Variants in IQGAP1 observed in about 807,000 individuals in gnomAD.
IQGAP1 encodes the protein ras GTPase-activating-like protein IQGAP1.
IQGAP1 carries 66 observed loss-of-function variants against 215.6 expected under a neutral mutation model. The ratio of observed to expected loss-of-function variants is 0.31; its 90% CI spans 0.25 to 0.38. The LOEUF (loss-of-function observed/expected upper bound fraction) is 0.38. IQGAP1 is among the 10% of genes least tolerant of loss of function. The pLI is 1.00. For missense variants in IQGAP1, 1,712 were observed against 1,997.1 expected, an observed-to-expected ratio of 0.86 and a Z score of 2.72; for synonymous variants, 772 against 728.7, an observed-to-expected ratio of 1.06 and a Z score of -0.96.
chr15:90,392,748 C>CTTTTTTTTTTTTTTTTTTTTTTT (rs10701656), intron 2 of IQGAP1, among the ~76,000 whole-genome samples: 2 of 117,826 alleles, frequency 1.7e-5, no homozygotes, highest in African/African-American at 6.9e-5. Flanking sequence ...ATGTTTCTAT[C>CTTTTTTTTTTTTTTTTTTTTTTT]TTTTTTTTTT....
intron 5 of IQGAP1, among the ~76,000 whole-genome samples, chr15:90,435,267 A>G (rs1169617129): frequency 6.6e-6 from 1 of 152,176 alleles, no homozygotes; most frequent in Non-Finnish European, 1.5e-5. Context: ...GCTTGAAGCC[A>G]GGAGTTAGAG....
intron 31 of IQGAP1, chr15:90,486,474 C>T: frequency 4.8e-6 from 1 of 209,422 alleles, no homozygotes; most frequent in South Asian, 7.9e-5. Context: ...CAGGGTCTCC[C>T]TCTGTTGCCC....
chr15:90,492,136 C>T (rs1408865382), intron 34 of IQGAP1, among the ~76,000 whole-genome samples: 1 of 152,148 alleles, frequency 6.6e-6, no homozygotes, highest in Non-Finnish European at 1.5e-5. Context: ...CTGAATTTCT[C>T]TGTTAATTTG....
At chr15:90,392,499 T>C (rs1964649012) in intron 2 of IQGAP1, among the ~76,000 whole-genome samples, 1 of 152,088 alleles carries the variant, frequency 6.6e-6, no homozygotes, top group Admixed American at 6.6e-5. Context: ...GACCTGGGGG[T>C]GAGAGGGAAG....
intron 9 of IQGAP1, 141 bp downstream of exon 9, chr15:90,443,619 A>C: frequency 1.7e-6 from 1 of 579,822 alleles, no homozygotes; most frequent in Non-Finnish European, 3.1e-6. Context: ...GCTTGTTAAC[A>C]ATCTTTTGTG....
chr15:90,411,412 C>T (rs1024459839), intron 2 of IQGAP1, among the ~76,000 whole-genome samples: 24 of 152,110 alleles, frequency 1.6e-4, no homozygotes, highest in Non-Finnish European at 3.5e-4. Flanking sequence ...TCCCAAAGTG[C>T]TGGGATTATA....
chr15:90,481,504 C>G (rs1009441761), intron 26 of IQGAP1, among the ~76,000 whole-genome samples: 1 of 152,044 alleles, frequency 6.6e-6, no homozygotes, highest in Non-Finnish European at 1.5e-5. Flanking sequence ...TCCTGTCTCC[C>G]CTTCCTTCCT....
intron 15 of IQGAP1, among the ~76,000 whole-genome samples, chr15:90,463,655 CT>C (rs1202751244): frequency 6.6e-6 from 1 of 152,148 alleles, no homozygotes; most frequent in Admixed American, 6.6e-5. Flanking sequence ...GGTTCTGCAG[CT>C]TTTAAGTGAT....
chr15:90,478,211 G>A (rs553752545), intron 26 of IQGAP1, among the ~76,000 whole-genome samples: 1 of 152,168 alleles, frequency 6.6e-6, no homozygotes, highest in Admixed American at 6.6e-5. Flanking sequence ...GACTGGTCTC[G>A]AACTCCTGAC....
intron 2 of IQGAP1, among the ~76,000 whole-genome samples, chr15:90,402,573 G>A (rs972129264): frequency 8.5e-5 from 13 of 152,176 alleles, no homozygotes; most frequent in African/African-American, 2.2e-4. Context: ...GAACTGTGAG[G>A]TTTCTGCAGC....
chr15:90,408,689 C>A (rs191328936), intron 2 of IQGAP1, among the ~76,000 whole-genome samples: 1 of 152,318 alleles, frequency 6.6e-6, no homozygotes, highest in Admixed American at 6.5e-5. Context: ...TCTCTACCTT[C>A]CTGCATCGTG....
chr15:90,426,260 A>C lies in IQGAP1; in HGVS notation c.306A>C (p.Arg102Ser). ...AAATCTATGATCGAGAACAGACCAG[A>C]TACAAGGTGAGTCCTTCCTTGCTTT... is the stretch of plus-strand genomic sequence containing the variant. The part of the protein sequence containing the change: ...LKKIYDREQT[R>S]YKATGLHFRH... The change falls in exon 3 of 38, where the codon AGA becomes AGC. Residue 102 changes from arginine to serine, a missense_variant. Arg to Ser is a moderately radical substitution (Grantham distance 110, BLOSUM62 -1). This residue lies in a region of IQGAP1 where 1,021 missense variants were observed against 1,074.2 expected (regional missense o/e 0.95). Coordinates refer to ENST00000268182, the MANE Select transcript of IQGAP1 (RefSeq NM_003870.4). 1 of 1,586,964 alleles carries C rather than the reference A, an allele frequency of 6.3e-7. No individual in the cohort carries two copies. The highest frequency in any genetic ancestry group is 1.2e-5 in the South Asian group (1 of 85,918).
chr15:90,456,119 GA>G (rs753654040), intron 14 of IQGAP1, 32 bp from the exon 15 acceptor site: 191 of 1,409,178 alleles, frequency 1.4e-4, no homozygotes, highest in South Asian at 2.6e-4. Context: ...TCCTTAATTA[GA>G]AAAAAAAAAC....
At chr15:90,416,312 C>T (rs1483227418) in intron 2 of IQGAP1, among the ~76,000 whole-genome samples, 1 of 152,160 alleles carries the variant, frequency 6.6e-6, no homozygotes, top group Non-Finnish European at 1.5e-5. Flanking sequence ...CATTGATGGA[C>T]ATTTGGGTTG....
chr15:90,452,385 G>A (rs1372804894), intron 11 of IQGAP1, among the ~76,000 whole-genome samples: 1 of 152,136 alleles, frequency 6.6e-6, no homozygotes, highest in Non-Finnish European at 1.5e-5. Flanking sequence ...AAATGTTTTG[G>A]GCTGAGTTGT....
At chr15:90,488,446 G>C (rs1667968063) in intron 33 of IQGAP1, among the ~76,000 whole-genome samples, 1 of 151,604 alleles carries the variant, frequency 6.6e-6, no homozygotes, top group Non-Finnish European at 1.5e-5. Context: ...TTGAAACCAT[G>C]AATGTGTAGG....
chr15:90,390,488 T>C lies in IQGAP1; in HGVS notation c.56-286T>C, dbSNP rs986299507. On this transcript the variant is annotated intron_variant, in intron 1 of 37. Transcript: ENST00000268182. ...TGTATTTAGAAGGAGTTCTGGCAGA[T>C]AGGGACAGATTTGTGCCAAAATCTC... Among the ~76,000 whole-genome samples, 6 of 152,242 alleles carry C rather than the reference T, an allele frequency of 3.9e-5. No homozygotes were observed. In the East Asian group the frequency reaches 9.6e-4, roughly 24 times the overall value.
At chr15:90,469,265 G>A (rs1420683379) in intron 18 of IQGAP1, among the ~76,000 whole-genome samples, 1 of 151,424 alleles carries the variant, frequency 6.6e-6, no homozygotes, top group Non-Finnish European at 1.5e-5. Context: ...GATTCCTAGA[G>A]AAAAACGACA....
Position 90,501,172 on chromosome 15 carries a change from C to G in IQGAP1, c.*1064C>G, listed in dbSNP as rs1416850065. 1.3e-5 allele frequency: 2 copies of G among 152,300 alleles called. No individual in the cohort carries two copies. The highest frequency in any genetic ancestry group is 1.3e-4 in the Admixed American group (2 of 15,240). The allele number at this position is 152,300 out of a possible 1,614,324, so 9.4% of individuals were successfully genotyped here. Reference sequence around the variant, plus strand: ...TGCAGTGTTCAGGGAGATAATTCTGCCTTTAATTGTCTAAAACAAAAACAA... The same window carrying G: ...TGCAGTGTTCAGGGAGATAATTCTGGCTTTAATTGTCTAAAACAAAAACAA... On this transcript the variant is annotated 3_prime_UTR_variant, in exon 38 of 38. Transcript: ENST00000268182.
Sources: gnomAD v4.1 joint callset for allele counts (sites outside exome capture counted in the v4.1 genomes callset) on GRCh38, gnomAD v4.1.1 for gene constraint, gnomAD v4.1.1 regional missense constraint, MANE v1.5 for transcripts, NCBI Gene and HGNC (gene_info 2026-07-23, HGNC 2026-07-21) for gene names.